RASA1: variants seen among roughly 807,000 people sequenced by gnomAD.
RASA1 encodes the protein RAS p21 protein activator 1, also known as ras GTPase-activating protein 1.
A neutral mutation model predicts 132.2 loss-of-function variants in RASA1; 25 were observed. That is an observed-to-expected ratio of 0.19 (90% confidence interval 0.14 to 0.26). The LOEUF (loss-of-function observed/expected upper bound fraction) is 0.26. RASA1 is among the 10% of genes least tolerant of loss of function. The probability of loss-of-function intolerance (pLI) is 1.00; values close to 1 mark genes in which losing one functional copy is unlikely to be tolerated. For synonymous variants in RASA1, 477 were observed against 449.9 expected (o/e 1.06, Z -0.76); for missense variants, 964 against 1,299.2 (o/e 0.74, Z 3.97).
intron 23 of RASA1, among the ~76,000 whole-genome samples, chr5:87,388,283 T>G (rs994883014): frequency 3.9e-5 from 6 of 152,194 alleles, no homozygotes; most frequent in African/African-American, 1.4e-4. Flanking sequence ...TGTTTTGCAG[T>G]TTTTAGCAAT....
chr5:87,270,928 G>A (rs997468175), intron 1 of RASA1, among the ~76,000 whole-genome samples: 2 of 152,032 alleles, frequency 1.3e-5, no homozygotes, highest in Non-Finnish European at 2.9e-5. Context: ...GAGTCCCTGG[G>A]AGTATTCTGG....
At chr5:87,363,264 A>C in intron 10 of RASA1, 84 bp from the exon 11 acceptor site, 2 of 1,240,064 alleles carry the variant, frequency 1.6e-6, no homozygotes, top group Non-Finnish European at 2.3e-6. Context: ...TGATTGATTC[A>C]TATTTTTAGA....
At chr5:87,347,522 G>C (rs905173959) in intron 7 of RASA1, among the ~76,000 whole-genome samples, 1 of 151,944 alleles carries the variant, frequency 6.6e-6, no homozygotes, top group Non-Finnish European at 1.5e-5. Flanking sequence ...CAAAAATGTT[G>C]ACTATTCAAT....
intron 1 of RASA1, among the ~76,000 whole-genome samples, chr5:87,287,000 T>TAC (rs1438665877): frequency 6.8e-6 from 1 of 147,300 alleles, no homozygotes; most frequent in African/African-American, 2.5e-5. Context: ...ACACCATATA[T>TAC]ATACCATATA....
chr5:87,343,743 C>A (rs143430652), intron 6 of RASA1, among the ~76,000 whole-genome samples: 1,726 of 152,266 alleles, frequency 0.011, 15 homozygotes, highest in Middle Eastern at 0.027. Context: ...GAAAGGAAAT[C>A]AGTGTATCAA....
At chr5:87,389,340 C>CAAAA (rs368043768) in intron 23 of RASA1, 53 bp from the exon 24 acceptor site, 1 of 1,575,114 alleles carries the variant, frequency 6.3e-7, no homozygotes, top group African/African-American at 1.4e-5. Context: ...TCAAAAAAAA[C>CAAAA]AAAAAAAAAG....
chr5:87,280,597 G>A (rs969167425), intron 1 of RASA1, among the ~76,000 whole-genome samples: 4 of 152,184 alleles, frequency 2.6e-5, no homozygotes, highest in Non-Finnish European at 5.9e-5. Flanking sequence ...ACAAGCGTGA[G>A]CCACCTCGCC....
intron 10 of RASA1, 126 bp downstream of exon 10, chr5:87,362,797 G>A: frequency 9.2e-7 from 1 of 1,082,262 alleles, no homozygotes; most frequent in Non-Finnish European, 1.4e-6. Context: ...CTTGTTTAGA[G>A]CCCATATATA....
At chr5:87,286,931 C>A (rs549274151) in intron 1 of RASA1, among the ~76,000 whole-genome samples, 2 of 143,816 alleles carry the variant, frequency 1.4e-5, no homozygotes, top group East Asian at 4.0e-4. Context: ...ATATACATAC[C>A]ATATATATAC....
At chr5:87,285,030 T>C (rs1754483022) in intron 1 of RASA1, among the ~76,000 whole-genome samples, 1 of 143,306 alleles carries the variant, frequency 7.0e-6, no homozygotes. Flanking sequence ...GAGATAATGG[T>C]ACCATTTATT....
intron 1 of RASA1, among the ~76,000 whole-genome samples, chr5:87,277,490 A>G (rs1424014733): frequency 6.6e-6 from 1 of 152,210 alleles, no homozygotes; most frequent in Non-Finnish European, 1.5e-5. Flanking sequence ...AGAAAAGGTC[A>G]TGTGAGGACA....
chr5:87,307,378 G>A (rs964011820), intron 1 of RASA1, among the ~76,000 whole-genome samples: 1 of 151,932 alleles, frequency 6.6e-6, no homozygotes, highest in Non-Finnish European at 1.5e-5. Flanking sequence ...GGAGAATGGC[G>A]TCAACCCGGG....
chr5:87,268,538 C>G lies in RASA1; in HGVS notation c.87C>G (p.Ala29=), dbSNP rs1222333572. The G allele has an allele frequency of 6.3e-7, 1 of 1,597,698 alleles. No homozygotes were observed. Among genetic ancestry groups the G allele is most frequent in the Admixed American group, 1.8e-5 (1 of 56,940 alleles). The change falls in exon 1 of 25, where the codon GCC becomes GCG. Residue 29 remains alanine, a synonymous_variant. Transcript: ENST00000274376. ...GCGGCGCGGCAGCGGGCTCCAGTGC[C>G]TATCCCGCAGTGTGTCGGGTGAAGA... The part of the protein sequence containing the change: ...GGGGAAAGSS[A]YPAVCRVKIP...
chr5:87,295,553 G>A (rs935756633), intron 1 of RASA1, among the ~76,000 whole-genome samples: 2 of 151,514 alleles, frequency 1.3e-5, no homozygotes, highest in African/African-American at 4.8e-5. Flanking sequence ...GTATCACCCA[G>A]GCTGGAGTAC....
Position 87,331,335 on chromosome 5 carries a change from G to C in RASA1, c.540-13G>C. On this transcript the variant is annotated splice_polypyrimidine_tract_variant and intron_variant, in intron 1 of 24. Coordinates refer to ENST00000274376, the MANE Select transcript of RASA1 (RefSeq NM_002890.3). Reference sequence around the variant, plus strand: ...CTATTTATATTGTAATATCTTCTCTGTTTTTCCCCTAGGTGGTATCACGGA... The same window carrying C: ...CTATTTATATTGTAATATCTTCTCTCTTTTTCCCCTAGGTGGTATCACGGA... The C allele has an allele frequency of 6.3e-7, 1 of 1,589,476 alleles. No homozygotes were observed. The highest frequency in any genetic ancestry group is 8.6e-7 in the Non-Finnish European group (1 of 1,157,864).
intron 20 of RASA1, among the ~76,000 whole-genome samples, chr5:87,383,118 AAAG>A (rs1174326970): frequency 8.6e-5 from 13 of 152,038 alleles, no homozygotes; most frequent in Non-Finnish European, 5.9e-5. Flanking sequence ...AAAAAGGAAA[AAAG>A]AAAACCTTTC....
intron 4 of RASA1, 59 bp from the exon 5 acceptor site, chr5:87,337,915 A>G (rs1758090523): frequency 6.0e-6 from 9 of 1,498,184 alleles, no homozygotes; most frequent in East Asian, 2.5e-5. Flanking sequence ...GTATATGACT[A>G]TTCTAATCTC....
At chr5:87,300,653 T>A (rs1755320928) in intron 1 of RASA1, among the ~76,000 whole-genome samples, 1 of 152,232 alleles carries the variant, frequency 6.6e-6, no homozygotes, top group African/African-American at 2.4e-5. Flanking sequence ...AGGTAATATC[T>A]ACAATTTAAT....
At chr5:87,279,499 T>C (rs1338032846) in intron 1 of RASA1, among the ~76,000 whole-genome samples, 1 of 152,208 alleles carries the variant, frequency 6.6e-6, no homozygotes, top group Non-Finnish European at 1.5e-5. Context: ...ACATAAGTTT[T>C]CATTTCTGTC....
Sources: allele counts gnomAD v4.1 joint callset (sites outside exome capture counted in the v4.1 genomes callset), GRCh38; gene constraint gnomAD v4.1.1; transcripts MANE v1.5; gene names NCBI Gene and HGNC (gene_info 2026-07-23, HGNC 2026-07-21).